GPM6A: variants seen among roughly 807,000 people sequenced by gnomAD.
The protein encoded by GPM6A is neuronal membrane glycoprotein M6-a.
Under a neutral mutation model 32.1 loss-of-function variants are expected in GPM6A, and 7 were observed. The ratio of observed to expected loss-of-function variants is 0.22; its 90% CI spans 0.12 to 0.41. The LOEUF (loss-of-function observed/expected upper bound fraction) is 0.41, where lower values mean the gene tolerates loss of function less well. GPM6A is among the 10% of genes least tolerant of loss of function. The pLI is 1.00. For missense variants in GPM6A, 235 were observed against 347.2 expected (o/e 0.68, Z 2.57); for synonymous variants, 130 against 123.4 (o/e 1.05, Z -0.35).
chr4:175,991,249 T>C (rs1741132870), intron 1 of GPM6A, among the ~76,000 whole-genome samples: 1 of 142,602 alleles, frequency 7.0e-6, no homozygotes, highest in African/African-American at 2.6e-5. Flanking sequence ...TTTTTTTTTG[T>C]ATGCTTAGTA....
intron 1 of GPM6A, among the ~76,000 whole-genome samples, chr4:175,892,205 C>CA (rs1737669835): frequency 6.6e-6 from 1 of 152,212 alleles, no homozygotes; most frequent in Admixed American, 6.5e-5. Flanking sequence ...ATATCACAGT[C>CA]ATTTATTATT....
chr4:175,727,646 ACTGC>A (rs1731234407), intron 1 of GPM6A, among the ~76,000 whole-genome samples: 1 of 152,184 alleles, frequency 6.6e-6, no homozygotes, highest in Non-Finnish European at 1.5e-5. Context: ...ACCTAAATAC[ACTGC>A]CTGAATGTTA....
chr4:175,946,175 G>A (rs940050725), intron 1 of GPM6A, among the ~76,000 whole-genome samples: 1 of 151,986 alleles, frequency 6.6e-6, no homozygotes, highest in African/African-American at 2.4e-5. Flanking sequence ...AACTTCATTC[G>A]AATGTAAAGT....
chr4:175,841,378 C>A (rs1227810791), intron 1 of GPM6A, among the ~76,000 whole-genome samples: 2 of 151,722 alleles, frequency 1.3e-5, no homozygotes, highest in African/African-American at 2.4e-5. Flanking sequence ...ATTTAATGTA[C>A]GCGCCTGGAA....
chr4:175,896,739 C>G (rs1737804456), intron 1 of GPM6A, among the ~76,000 whole-genome samples: 1 of 152,078 alleles, frequency 6.6e-6, no homozygotes, highest in East Asian at 1.9e-4. Flanking sequence ...AGGGTAGAAT[C>G]TGGGGAGAAA....
Position 175,648,726 on chromosome 4 carries a change from T to C in GPM6A, c.541+3108A>G, listed in dbSNP as rs142045751. Reference sequence around the variant, plus strand: ...CTTGGCTCTTGGCCCCTTTTCTCCATCTTTAAAGCCAGCAACACTGCATCT... The same window carrying C: ...CTTGGCTCTTGGCCCCTTTTCTCCACCTTTAAAGCCAGCAACACTGCATCT... On this transcript the variant is annotated intron_variant, in intron 4 of 6. Transcript: ENST00000393658. Among the ~76,000 whole-genome samples, 989 of 152,278 alleles carry C rather than the reference T, an allele frequency of 6.5e-3. 4 individuals carry two copies. The highest frequency in any genetic ancestry group is 0.011 in the Non-Finnish European group (750 of 68,016).
At chr4:175,987,672 C>T (rs979406881) in intron 1 of GPM6A, among the ~76,000 whole-genome samples, 2 of 151,912 alleles carry the variant, frequency 1.3e-5, no homozygotes, top group Admixed American at 6.6e-5. Flanking sequence ...ATTAGGCCTA[C>T]AAATAACATA....
intron 1 of GPM6A, among the ~76,000 whole-genome samples, chr4:175,797,468 G>A (rs1734279021): frequency 6.6e-6 from 1 of 152,052 alleles, no homozygotes; most frequent in Non-Finnish European, 1.5e-5. Context: ...AAATAATTGA[G>A]CTCCCATGTA....
chr4:175,693,370 T>G (rs1320938051), intron 2 of GPM6A, among the ~76,000 whole-genome samples: 1 of 150,700 alleles, frequency 6.6e-6, no homozygotes, highest in Non-Finnish European at 1.5e-5. Context: ...AATACAAATA[T>G]TTTAAAATAT....
At chr4:175,722,958 A>G (rs1746222410) in intron 1 of GPM6A, among the ~76,000 whole-genome samples, 1 of 151,688 alleles carries the variant, frequency 6.6e-6, no homozygotes, top group Non-Finnish European at 1.5e-5. Flanking sequence ...CTCAAGTGGG[A>G]AGATTACTTG....
At position 175,911,891 on chromosome 4, in the gene GPM6A, A is replaced by T. The variant is rs370877237; in HGVS notation, c.-23+90418T>A. 4.7e-4 allele frequency among the ~76,000 whole-genome samples: 71 copies of T among 152,336 alleles called. 1 individual carries two copies. The highest frequency in any genetic ancestry group is 1.6e-3 in the African/African-American group (68 of 41,582). On this transcript the variant is annotated intron_variant, in intron 1 of 7. Transcript: ENST00000280187. ...AAAAATGACAAAAATAAGCAAATCA[A>T]GAAGGGCAGGAAACGGAGTGACAAA...
In GPM6A at chr4:175,865,275, C is replaced by G. The variant is rs186603299; in HGVS notation, c.-22-53026G>C. 1.9e-3 allele frequency among the ~76,000 whole-genome samples: 290 copies of G among 152,302 alleles called. No homozygotes were observed. In the Middle Eastern group the frequency reaches 0.02, roughly 11 times the overall value. The stretch of plus-strand genomic sequence containing the variant: ...ATAGATGTGGTTCCATCCCTGGGCT[C>G]TCTAGTGTTCTCCACTGTTCTGTAT... On this transcript the variant is annotated intron_variant, in intron 1 of 7. Coordinates refer to the GPM6A transcript ENST00000280187.
At chr4:175,730,411 T>G (rs896987479) in intron 1 of GPM6A, among the ~76,000 whole-genome samples, 1 of 150,602 alleles carries the variant, frequency 6.6e-6, no homozygotes, top group African/African-American at 2.5e-5. Context: ...CCCAGCTAAT[T>G]TTTGTATTTT....
Position 175,865,380 on chromosome 4 carries a change from CT to C in GPM6A, c.-22-53132del, listed in dbSNP as rs550122615. ...ATAGTGTAAATTACCTAATTATGCT[CT>C]TCTTTTTCACAATTGTTTTAGCTAT... is the stretch of plus-strand genomic sequence containing the variant. On this transcript the variant is annotated intron_variant, in intron 1 of 7. Coordinates refer to the GPM6A transcript ENST00000280187. Among the ~76,000 whole-genome samples the C allele has an allele frequency of 7.9e-5, 12 of 152,176 alleles. No individual in the cohort carries two copies. In the South Asian group the frequency reaches 2.5e-3, roughly 32 times the overall value.
upstream of GPM6A, among the ~76,000 whole-genome samples, chr4:175,815,277 A>C (rs1735062513): frequency 6.6e-6 from 1 of 152,094 alleles, no homozygotes; most frequent in Non-Finnish European, 1.5e-5. Flanking sequence ...GGCCTCCCAG[A>C]GTGCTGGGAT....
intron 2 of GPM6A, among the ~76,000 whole-genome samples, chr4:175,682,105 T>TA (rs1025636221): frequency 1.3e-5 from 2 of 151,590 alleles, no homozygotes; most frequent in African/African-American, 4.9e-5. Context: ...ATGAGAAACT[T>TA]ATAGGGCACT....
intron 1 of GPM6A, among the ~76,000 whole-genome samples, chr4:175,988,940 A>C (rs907702066): frequency 6.6e-6 from 1 of 152,184 alleles, no homozygotes; most frequent in Admixed American, 6.6e-5. Context: ...GGACAGAAGA[A>C]GAAAGCCAGG....
intron 1 of GPM6A, among the ~76,000 whole-genome samples, chr4:175,789,191 C>T (rs1188857250): frequency 2.0e-5 from 3 of 152,056 alleles, no homozygotes; most frequent in African/African-American, 7.2e-5. Flanking sequence ...TTTAAAAGTG[C>T]TATAATGAAT....
intron 1 of GPM6A, among the ~76,000 whole-genome samples, chr4:175,889,667 G>T (rs1737576620): frequency 6.6e-6 from 1 of 152,068 alleles, no homozygotes; most frequent in African/African-American, 2.4e-5. Context: ...CAAAAACTTA[G>T]CTGGGCGTGG....
Sources: gnomAD v4.1 joint callset for allele counts (sites outside exome capture counted in the v4.1 genomes callset) on GRCh38, gnomAD v4.1.1 for gene constraint, MANE v1.5 for transcripts, NCBI Gene and HGNC (gene_info 2026-07-23, HGNC 2026-07-21) for gene names.